The following PDE1A variants were observed in gnomAD, a reference collection of about 807,000 sequenced individuals.
PDE1A encodes the protein dual specificity calcium/calmodulin-dependent 3',5'-cyclic nucleotide phosphodiesterase 1A.
Under a neutral mutation model 61.7 loss-of-function variants are expected in PDE1A, and 35 were observed. The ratio of observed to expected loss-of-function variants is 0.57; its 90% confidence interval spans 0.43 to 0.75. PDE1A has a LOEUF of 0.75. PDE1A is among the 30% of genes least tolerant of loss of function. The probability of loss-of-function intolerance (pLI) is 0.00; values close to 1 mark genes in which losing one functional copy is unlikely to be tolerated. For synonymous variants in PDE1A, 232 were observed against 213.2 expected, an observed-to-expected ratio of 1.09 and a Z score of -0.77; for missense variants, 597 against 630.6, an observed-to-expected ratio of 0.95 and a Z score of 0.57.
chr2:182,270,564 C>T (rs995546939), intron 1 of PDE1A, among the ~76,000 whole-genome samples: 2 of 151,128 alleles, frequency 1.3e-5, no homozygotes, highest in African/African-American at 4.8e-5. Flanking sequence ...CGTAATAATT[C>T]AATAAATAAA....
chr2:182,411,919 G>T (rs927538890), intron 1 of PDE1A, among the ~76,000 whole-genome samples: 2 of 151,998 alleles, frequency 1.3e-5, no homozygotes, highest in Admixed American at 1.3e-4. Context: ...TTAGCCAGGT[G>T]TGGTGGCATG....
At chr2:182,523,916 C>T (rs1237760999), upstream of PDE1A, among the ~76,000 whole-genome samples, 2 of 152,030 alleles carry the variant, frequency 1.3e-5, no homozygotes, top group East Asian at 3.9e-4. Context: ...GTAAAAAGGA[C>T]CTTTGCAAAA....
At chr2:182,548,828 T>C in the PDE1A span, among the ~76,000 whole-genome samples, 1 of 152,164 alleles carries the variant, frequency 6.6e-6, no homozygotes, top group Non-Finnish European at 1.5e-5. Context: ...AATTCCACAA[T>C]GCAAAAACTA....
At chr2:182,490,619 C>T (rs1688321526) in intron 2 of PDE1A, among the ~76,000 whole-genome samples, 1 of 152,056 alleles carries the variant, frequency 6.6e-6, no homozygotes, top group South Asian at 2.1e-4. Context: ...ATGATCCACC[C>T]ACCTGGGCCT....
At chr2:182,183,863 T>C (rs1457784136) in intron 13 of PDE1A, among the ~76,000 whole-genome samples, 2 of 150,884 alleles carry the variant, frequency 1.3e-5, no homozygotes, top group Non-Finnish European at 3.0e-5. Flanking sequence ...GTAGCTGAGA[T>C]AAAAAGTTAA....
the PDE1A span, among the ~76,000 whole-genome samples, chr2:182,659,711 G>C: frequency 6.6e-6 from 1 of 152,156 alleles, no homozygotes; most frequent in African/African-American, 2.4e-5. Context: ...CACCAACCTT[G>C]GTATTCCTTT....
At chr2:182,668,848 T>C in the PDE1A span, among the ~76,000 whole-genome samples, 1 of 152,136 alleles carries the variant, frequency 6.6e-6, no homozygotes, top group Admixed American at 6.5e-5. Context: ...CTTTACTCTC[T>C]CTCTCTCTCC....
chr2:182,495,162 T>C (rs767292639), intron 2 of PDE1A, among the ~76,000 whole-genome samples: 2 of 152,190 alleles, frequency 1.3e-5, no homozygotes, highest in Non-Finnish European at 2.9e-5. Context: ...TACAAGCCCA[T>C]TGGATCTTCT....
chr2:182,270,205 A>G (rs753272670), intron 1 of PDE1A, among the ~76,000 whole-genome samples: 8 of 152,192 alleles, frequency 5.3e-5, no homozygotes, highest in Non-Finnish European at 1.2e-4. Flanking sequence ...CATCTTTGAA[A>G]GCAATTGATT....
At chr2:182,564,531 T>G in the PDE1A span, among the ~76,000 whole-genome samples, 1 of 152,192 alleles carries the variant, frequency 6.6e-6, no homozygotes, top group Non-Finnish European at 1.5e-5. Context: ...CAATTATGTC[T>G]TGGAGTTGCT....
chr2:182,536,884 C>T, the PDE1A span, among the ~76,000 whole-genome samples: 3 of 152,232 alleles, frequency 2.0e-5, no homozygotes, highest in Non-Finnish European at 4.4e-5. Context: ...TACCCTAAAG[C>T]CACCATGCTG....
At chr2:182,673,836 TA>T in the PDE1A span, among the ~76,000 whole-genome samples, 3 of 151,686 alleles carry the variant, frequency 2.0e-5, no homozygotes, top group African/African-American at 4.8e-5. Context: ...ATTTCTTGCT[TA>T]TACAAATCAG....
At chr2:182,333,258 C>A (rs182405569) in intron 1 of PDE1A, among the ~76,000 whole-genome samples, 29 of 152,202 alleles carry the variant, frequency 1.9e-4, no homozygotes, top group Admixed American at 7.2e-4. Flanking sequence ...ACTCTCCATC[C>A]CAAATCAACA....
At chr2:182,542,706 G>A in the PDE1A span, among the ~76,000 whole-genome samples, 1 of 152,054 alleles carries the variant, frequency 6.6e-6, no homozygotes, top group Admixed American at 6.6e-5. Context: ...TCTACACTAC[G>A]GGTTTACGTC....
At chr2:182,260,846 G>A (rs1692170515) in intron 2 of PDE1A, among the ~76,000 whole-genome samples, 1 of 152,072 alleles carries the variant, frequency 6.6e-6, no homozygotes. Context: ...GTTAGAAAAG[G>A]GATGAGGATG....
At chr2:182,160,693 C>T (rs1691332343) in intron 13 of PDE1A, among the ~76,000 whole-genome samples, 1 of 152,156 alleles carries the variant, frequency 6.6e-6, no homozygotes, top group Non-Finnish European at 1.5e-5. Flanking sequence ...AGCCACGCTA[C>T]AAACTGCTTC....
At chr2:182,157,511 A>G (rs548874257) in intron 13 of PDE1A, among the ~76,000 whole-genome samples, 2 of 152,312 alleles carry the variant, frequency 1.3e-5, no homozygotes, top group South Asian at 4.1e-4. Context: ...ATAATCAACA[A>G]ACTCTTCAAT....
chr2:182,396,457 G>T (rs572800763), intron 1 of PDE1A, among the ~76,000 whole-genome samples: 14 of 152,348 alleles, frequency 9.2e-5, no homozygotes, highest in Middle Eastern at 3.4e-3. Context: ...ATACAGATGG[G>T]TAGTAGAAGA....
At chr2:182,402,848 A>G (rs375463841) in intron 1 of PDE1A, among the ~76,000 whole-genome samples, 3 of 152,246 alleles carry the variant, frequency 2.0e-5, no homozygotes, top group East Asian at 1.9e-4. Context: ...AAACAACGCC[A>G]TCAAAAAGTG....
Sources: gnomAD v4.1 joint callset for allele counts (sites outside exome capture counted in the v4.1 genomes callset) on GRCh38, gnomAD v4.1.1 for gene constraint, MANE v1.5 for transcripts, NCBI Gene and HGNC (gene_info 2026-07-23, HGNC 2026-07-21) for gene names.